The following PCNX2 variants were observed in gnomAD, a reference collection of about 807,000 sequenced individuals.
The protein encoded by PCNX2 is pecanex 2, also known as pecanex-like protein 2.
PCNX2 carries 168 observed loss-of-function variants against 223.8 expected under a neutral mutation model. The ratio of observed to expected loss-of-function variants is 0.75; its 90% confidence interval spans 0.66 to 0.85. PCNX2 has a LOEUF of 0.85. Among genes scored for constraint, PCNX2 ranks in the 40% least tolerant of loss-of-function variants. The pLI is 0.00. For synonymous variants in PCNX2, 1,006 were observed against 1,052.6 expected, an observed-to-expected ratio of 0.96 and a Z score of 0.86; for missense variants, 2,507 against 2,675.5, an observed-to-expected ratio of 0.94 and a Z score of 1.39.
At chr1:233,095,901 A>G in intron 21 of PCNX2, 38 bp from the exon 22 acceptor site, 1 of 1,448,898 alleles carries the variant, frequency 6.9e-7, no homozygotes, top group South Asian at 1.2e-5. Context: ...AGAGAGGACA[A>G]TGACAACAGT....
In PCNX2 at chr1:233,235,956, A is replaced by AT. The variant is rs1446651190; in HGVS notation, c.2358+888_2358+889insA. ...AATGTGGCAAAGCAATCATAAAAAAAAATATATATATATATATATATATAT... is the reference window on the plus strand; with the variant it reads ...AATGTGGCAAAGCAATCATAAAAAAATAATATATATATATATATATATATAT... On this transcript the variant is annotated intron_variant, in intron 9 of 33. Coordinates refer to ENST00000258229, the MANE Select transcript of PCNX2 (RefSeq NM_014801.4). Among the ~76,000 whole-genome samples, 667 of 98,322 alleles carry AT rather than the reference A, an allele frequency of 6.8e-3. 4 individuals carry two copies. Among genetic ancestry groups the AT allele is most frequent in the Middle Eastern group, 9.6e-3 (2 of 208 alleles). 64.5% of individuals were successfully genotyped at this position (98,322 alleles called of 152,430 possible).
intron 15 of PCNX2, among the ~76,000 whole-genome samples, chr1:233,184,464 T>C (rs1311731732): frequency 2.6e-5 from 4 of 152,198 alleles, no homozygotes; most frequent in African/African-American, 9.7e-5. Context: ...GTACCCATGA[T>C]GGATGGTCTT....
chr1:233,205,735 T>A (rs1572074326), intron 13 of PCNX2, among the ~76,000 whole-genome samples: 1 of 151,970 alleles, frequency 6.6e-6, no homozygotes, highest in Non-Finnish European at 1.5e-5. Flanking sequence ...ACACGGACTT[T>A]AATGTTCATT....
chr1:233,218,246 CT>C (rs372117818), intron 10 of PCNX2, 62 bp from the exon 11 acceptor site: 100,445 of 493,036 alleles, frequency 0.2, 1,275 homozygotes, highest in East Asian at 0.27. Flanking sequence ...TAAGTTTTGC[CT>C]TTTTTTTTTT....
chr1:233,307,513 G>T, the PCNX2 span, among the ~76,000 whole-genome samples: 3 of 152,200 alleles, frequency 2.0e-5, no homozygotes, highest in Non-Finnish European at 4.4e-5. Flanking sequence ...ACAGCCAGCA[G>T]AACTGTGAGC....
chr1:233,263,371 T>C (rs546432120), intron 1 of PCNX2, among the ~76,000 whole-genome samples: 10 of 152,248 alleles, frequency 6.6e-5, no homozygotes, highest in African/African-American at 1.9e-4. Flanking sequence ...TCAGGTTCTG[T>C]AGTAGTTGCA....
intron 21 of PCNX2, chr1:233,134,658 G>A (rs749557329): frequency 2.9e-4 from 78 of 271,658 alleles, no homozygotes; most frequent in Non-Finnish European, 4.0e-4. Flanking sequence ...AGGGAGAGAC[G>A]GAGGGAGGGA....
At chr1:233,031,063 G>C (rs893731969) in intron 25 of PCNX2, among the ~76,000 whole-genome samples, 1 of 152,214 alleles carries the variant, frequency 6.6e-6, no homozygotes, top group African/African-American at 2.4e-5. Context: ...TGGGCAGAAA[G>C]TGGAGGCAGT....
intron 25 of PCNX2, chr1:233,033,158 T>C (rs1043522191): frequency 2.0e-6 from 2 of 985,464 alleles, no homozygotes; most frequent in Middle Eastern, 1.0e-3. Context: ...AAACTGACTC[T>C]TGGCACCTTT....
chr1:233,095,522 G>A (rs1674108152), intron 22 of PCNX2: 2 of 534,202 alleles, frequency 3.7e-6, no homozygotes, highest in Non-Finnish European at 6.7e-6. Flanking sequence ...GGAAGGACCA[G>A]AAAAAATAAA....
At chr1:233,283,282 T>C (rs758495359) in intron 1 of PCNX2, among the ~76,000 whole-genome samples, 3 of 152,204 alleles carry the variant, frequency 2.0e-5, no homozygotes, top group African/African-American at 4.8e-5. Flanking sequence ...ATTCAATCTA[T>C]AGATTGATCA....
intron 31 of PCNX2, 76 bp downstream of exon 31, chr1:232,999,029 C>T: frequency 1.4e-6 from 2 of 1,467,512 alleles, no homozygotes; most frequent in Non-Finnish European, 1.8e-6. Context: ...AAATCTGAAC[C>T]AGGAGTACAG....
chr1:233,317,761 A>G, the PCNX2 span, among the ~76,000 whole-genome samples: 1 of 152,232 alleles, frequency 6.6e-6, no homozygotes, highest in East Asian at 1.9e-4. Context: ...AACAGCTAAT[A>G]TGTATTAGCA....
chr1:233,094,293 G>A (rs894986685), intron 22 of PCNX2, among the ~76,000 whole-genome samples: 9 of 152,106 alleles, frequency 5.9e-5, no homozygotes, highest in East Asian at 1.9e-4. Context: ...TTAGAAATAC[G>A]TCAGAAAGAG....
At chr1:233,038,152 T>C (rs1164250648) in intron 25 of PCNX2, among the ~76,000 whole-genome samples, 1 of 152,212 alleles carries the variant, frequency 6.6e-6, no homozygotes, top group Non-Finnish European at 1.5e-5. Context: ...AATTTATTTA[T>C]TTTCAACCAG....
intron 25 of PCNX2, among the ~76,000 whole-genome samples, chr1:233,033,432 T>C (rs979275885): frequency 2.6e-5 from 4 of 152,212 alleles, no homozygotes; most frequent in Non-Finnish European, 4.4e-5. Context: ...CTCCGGGCTT[T>C]CCAGAAGCCA....
intron 24 of PCNX2, among the ~76,000 whole-genome samples, chr1:233,056,284 A>G (rs1672188723): frequency 6.6e-6 from 1 of 152,246 alleles, no homozygotes. Context: ...AAACTGTTCA[A>G]TATTTAAATA....
chr1:233,050,321 A>G (rs1671957456), intron 25 of PCNX2, among the ~76,000 whole-genome samples: 1 of 152,130 alleles, frequency 6.6e-6, no homozygotes, highest in African/African-American at 2.4e-5. Context: ...AGAGCTAGAA[A>G]AAAACTATTC....
chr1:232,986,978 C>T (rs576606615), intron 32 of PCNX2, among the ~76,000 whole-genome samples: 6 of 152,352 alleles, frequency 3.9e-5, no homozygotes, highest in African/African-American at 1.2e-4. Context: ...TTCCCATGCT[C>T]ATCCGATCAG....
Sources: allele counts gnomAD v4.1 joint callset (sites outside exome capture counted in the v4.1 genomes callset), GRCh38; gene constraint gnomAD v4.1.1; transcripts MANE v1.5; gene names NCBI Gene and HGNC (gene_info 2026-07-23, HGNC 2026-07-21).